Variants in SPECC1 observed in about 807,000 individuals in gnomAD.
SPECC1 encodes sperm antigen with calponin homology and coiled-coil domains 1.
Under a neutral mutation model 104.1 loss-of-function variants are expected in SPECC1, and 62 were observed. The ratio of observed to expected loss-of-function variants is 0.60; its 90% CI spans 0.49 to 0.74. SPECC1 has a LOEUF of 0.74. Ranked by LOEUF, SPECC1 falls within the 30% of genes least tolerant of loss-of-function variation. The pLI, the probability that SPECC1 is intolerant of heterozygous loss-of-function variation, is 0.00. For synonymous variants in SPECC1, 513 were observed against 501.6 expected, an observed-to-expected ratio of 1.02 and a Z score of -0.30; for missense variants, 1,306 against 1,310.5, an observed-to-expected ratio of 1.00 and a Z score of 0.05.
chr17:20,315,249 G>GTTTT lies in SPECC1; in HGVS notation c.*1184_*1185insTTTT, dbSNP rs1246416514. 2 of 232,562 alleles carry GTTTT rather than the reference G, an allele frequency of 8.6e-6. No homozygotes were observed. The highest frequency in any genetic ancestry group is 1.7e-5 in the Non-Finnish European group (2 of 117,720). 14.4% of individuals were successfully genotyped at this position (232,562 alleles called of 1,614,324 possible). On this transcript the variant is annotated 3_prime_UTR_variant, in exon 15 of 15. Transcript: ENST00000395527. ...TCCCCAGGCCTCTTTCATCGGCATG[G>GTTTT]GAAAAGCCCTTAGGGGTGGGCGGTG... is the stretch of plus-strand genomic sequence containing the variant.
intron 5 of SPECC1, among the ~76,000 whole-genome samples, chr17:20,229,110 G>T (rs181297585): frequency 6.6e-6 from 1 of 152,194 alleles, no homozygotes; most frequent in Non-Finnish European, 1.5e-5. Flanking sequence ...TCCCAACTCG[G>T]GTCAGACAGA....
At chr17:20,156,329 T>A in intron 3 of SPECC1, 1 of 1,271,044 alleles carries the variant, frequency 7.9e-7, no homozygotes, top group Non-Finnish European at 1.0e-6. Context: ...CGGCGCCGAC[T>A]GGGGCGAGCG....
chr17:20,299,215 A>C (rs954997743), intron 13 of SPECC1, among the ~76,000 whole-genome samples: 1 of 151,838 alleles, frequency 6.6e-6, no homozygotes, highest in African/African-American at 2.4e-5. Context: ...AGGCCCACCC[A>C]CACTAACTGG....
At chr17:20,118,341 G>C (rs970366434) in intron 3 of SPECC1, among the ~76,000 whole-genome samples, 1 of 152,094 alleles carries the variant, frequency 6.6e-6, no homozygotes, top group Non-Finnish European at 1.5e-5. Context: ...GATATTCTTG[G>C]AAAAGGATGC....
chr17:20,051,080 CTTTCTTTCTTTCTTTCTTTCTT>C (rs2045736674), intron 1 of SPECC1, among the ~76,000 whole-genome samples: 2 of 61,170 alleles, frequency 3.3e-5, no homozygotes, highest in South Asian at 1.5e-3. Flanking sequence ...TTCTTTCTTT[CTTTCTTTCTTTCTTTCTTTCTT>C]TCTTTCTTTC....
At chr17:20,140,694 G>A (rs1019707108) in intron 3 of SPECC1, among the ~76,000 whole-genome samples, 2 of 152,170 alleles carry the variant, frequency 1.3e-5, no homozygotes, top group Admixed American at 6.5e-5. Flanking sequence ...TCTTGCCAAG[G>A]GTGTCAGTCA....
chr17:20,238,324 A>C, intron 7 of SPECC1: 1 of 1,040,062 alleles, frequency 9.6e-7, no homozygotes, highest in Non-Finnish European at 1.2e-6. Context: ...TACACAATTC[A>C]AAATGTGATT....
chr17:20,087,860 T>G (rs936806478), intron 1 of SPECC1, among the ~76,000 whole-genome samples: 2 of 151,842 alleles, frequency 1.3e-5, no homozygotes, highest in African/African-American at 4.8e-5. Context: ...GGCTGTTTGG[T>G]GGGGTGGGAG....
chr17:20,131,199 C>T (rs892270296), intron 3 of SPECC1, among the ~76,000 whole-genome samples: 6 of 151,974 alleles, frequency 3.9e-5, no homozygotes, highest in Non-Finnish European at 2.9e-5. Flanking sequence ...TTATTTCTTC[C>T]TTTTTCTTTT....
chr17:20,226,417 G>T (rs571866149), intron 4 of SPECC1, among the ~76,000 whole-genome samples: 2 of 152,208 alleles, frequency 1.3e-5, no homozygotes, highest in African/African-American at 4.8e-5. Flanking sequence ...ACAATATAGT[G>T]TAGCATTGTG....
intron 1 of SPECC1, among the ~76,000 whole-genome samples, chr17:20,063,755 C>T (rs1326520538): frequency 6.6e-6 from 1 of 152,220 alleles, no homozygotes; most frequent in Non-Finnish European, 1.5e-5. Context: ...CAGACTGAAT[C>T]AGACTATCAG....
chr17:20,056,413 G>A (rs2045965686), intron 1 of SPECC1: 2 of 185,628 alleles, frequency 1.1e-5, no homozygotes, highest in Admixed American at 5.4e-5. Context: ...GAAGGGCGAG[G>A]CCGCTTGTAT....
At chr17:20,135,858 A>G (rs17686839) in intron 3 of SPECC1, among the ~76,000 whole-genome samples, 44,462 of 152,152 alleles carry the variant, frequency 0.29, 8,271 homozygotes, top group Non-Finnish European at 0.41. Flanking sequence ...TGAGAAGACC[A>G]TAAGAAAAGT....
chr17:20,237,046 T>G, intron 7 of SPECC1: 3 of 1,478,714 alleles, frequency 2.0e-6, no homozygotes, highest in Non-Finnish European at 2.7e-6. Flanking sequence ...TGCCGTCGAG[T>G]CTCTGCTTTT....
chr17:20,190,880 TC>T (rs990747126), intron 3 of SPECC1, among the ~76,000 whole-genome samples: 3 of 151,498 alleles, frequency 2.0e-5, no homozygotes, highest in African/African-American at 7.3e-5. Flanking sequence ...CATTCCTCCC[TC>T]CCCCCAACCC....
At chr17:20,166,234 A>T (rs1002113184) in intron 3 of SPECC1, among the ~76,000 whole-genome samples, 2 of 152,220 alleles carry the variant, frequency 1.3e-5, no homozygotes, top group African/African-American at 4.8e-5. Context: ...ACTAAAGCAA[A>T]ACCTATTTGA....
chr17:20,068,240 T>C (rs4471741), intron 1 of SPECC1, among the ~76,000 whole-genome samples: 43,939 of 152,116 alleles, frequency 0.29, 6,860 homozygotes, highest in Middle Eastern at 0.43. Context: ...GGATTATAGG[T>C]ATGAGCTACC....
intron 3 of SPECC1, among the ~76,000 whole-genome samples, chr17:20,173,459 A>G (rs561967735): frequency 6.6e-6 from 1 of 152,338 alleles, no homozygotes; most frequent in Non-Finnish European, 1.5e-5. Flanking sequence ...AATTTAGAGA[A>G]ATAAACCTGG....
Position 20,135,957 on chromosome 17 carries a change from T to A in SPECC1, c.283+25395T>A, listed in dbSNP as rs1310236341. Among the ~76,000 whole-genome samples the A allele has an allele frequency of 3.3e-5, 5 of 152,168 alleles. No homozygotes were observed. In the East Asian group the frequency reaches 9.6e-4, roughly 29 times the overall value. On this transcript the variant is annotated intron_variant, in intron 3 of 14. Transcript: ENST00000395527. ...ACCTTAAGCAAATTAACCTACCAAC[T>A]ACAACCATTCCTTCTGTTGGGAGGA...
Sources: allele counts gnomAD v4.1 joint callset (sites outside exome capture counted in the v4.1 genomes callset), GRCh38; gene constraint gnomAD v4.1.1; transcripts MANE v1.5; gene names NCBI Gene and HGNC (gene_info 2026-07-23, HGNC 2026-07-21).